PIBF1: variants seen among roughly 807,000 people sequenced by gnomAD.
The protein encoded by PIBF1 is progesterone immunomodulatory binding factor 1.
A neutral mutation model predicts 112.5 loss-of-function variants in PIBF1; 90 were observed. The ratio of observed to expected loss-of-function variants is 0.80; its 90% CI spans 0.67 to 0.95. PIBF1 has a LOEUF of 0.95. Ranked by LOEUF, PIBF1 falls within the 40% of genes least tolerant of loss-of-function variation. The pLI is 0.00. For synonymous variants in PIBF1, 301 were observed against 288.6 expected (o/e 1.04, Z -0.44); for missense variants, 915 against 852.3 (o/e 1.07, Z -0.92).
chr13:72,784,762 A>AAAT (rs944923595), intron 2 of PIBF1, among the ~76,000 whole-genome samples: 3 of 152,154 alleles, frequency 2.0e-5, no homozygotes, highest in South Asian at 2.1e-4. Context: ...TATCTCAAAA[A>AAAT]AATAATAATA....
intron 6 of PIBF1, among the ~76,000 whole-genome samples, chr13:72,826,022 A>G (rs2036794158): frequency 6.6e-6 from 1 of 151,464 alleles, no homozygotes; most frequent in African/African-American, 2.4e-5. Flanking sequence ...TGGGTGACAT[A>G]GCAAGACCCC....
intron 10 of PIBF1, among the ~76,000 whole-genome samples, chr13:72,875,058 T>C: frequency 6.6e-6 from 1 of 152,242 alleles, no homozygotes. Flanking sequence ...ATCTGTAATG[T>C]ATATATCTAT....
chr13:72,798,820 A>G (rs1246066993), intron 5 of PIBF1, among the ~76,000 whole-genome samples: 1 of 152,216 alleles, frequency 6.6e-6, no homozygotes, highest in Non-Finnish European at 1.5e-5. Context: ...TAGTTTACAA[A>G]TGGGGGCTGC....
chr13:72,919,824 C>T (rs2041228559), intron 13 of PIBF1, among the ~76,000 whole-genome samples: 1 of 152,070 alleles, frequency 6.6e-6, no homozygotes, highest in Admixed American at 6.6e-5. Flanking sequence ...AAAAACTTAG[C>T]TGGGCATGGG....
intron 2 of PIBF1, among the ~76,000 whole-genome samples, chr13:72,784,207 A>C (rs1343135276): frequency 6.6e-6 from 1 of 150,470 alleles, no homozygotes; most frequent in East Asian, 1.9e-4. Flanking sequence ...TTTATCTGTC[A>C]GTTGGGATCA....
chr13:72,895,338 A>G (rs1449353701), intron 11 of PIBF1, among the ~76,000 whole-genome samples: 2 of 149,576 alleles, frequency 1.3e-5, no homozygotes, highest in East Asian at 3.9e-4. Flanking sequence ...AATAATATAT[A>G]TAATATTAAA....
chr13:72,886,862 A>G (rs2039879178), intron 10 of PIBF1, among the ~76,000 whole-genome samples: 1 of 152,094 alleles, frequency 6.6e-6, no homozygotes, highest in Non-Finnish European at 1.5e-5. Flanking sequence ...TAAATGGCAG[A>G]AACGTTTGGA....
chr13:72,903,461 G>T (rs2040577224), intron 11 of PIBF1, among the ~76,000 whole-genome samples: 1 of 152,140 alleles, frequency 6.6e-6, no homozygotes, highest in Non-Finnish European at 1.5e-5. Flanking sequence ...ATTTTGAACA[G>T]GGCTTTGAAT....
In PIBF1 at chr13:72,837,161, A is replaced by AATACGTGTGCATGCCAGAAGAAATT. The variant is rs1223407782; in HGVS notation, c.1223+1800_1223+1824dup. Among the ~76,000 whole-genome samples, 8 of 152,152 alleles carry AATACGTGTGCATGCCAGAAGAAATT rather than the reference A, an allele frequency of 5.3e-5. No homozygotes were observed. In the East Asian group the frequency reaches 1.3e-3, roughly 26 times the overall value. ...TAAAAATATGCTTTAGGCACCAGCA[A>AATACGTGTGCATGCCAGAAGAAATT]ATACGTGTGCATGCCAGAAGAAATT... On this transcript the variant is annotated intron_variant, in intron 9 of 17. Transcript: ENST00000326291.
chr13:72,837,533 A>G (rs2037415087), intron 9 of PIBF1, among the ~76,000 whole-genome samples: 1 of 152,126 alleles, frequency 6.6e-6, no homozygotes. Context: ...AACAGATGTT[A>G]AGAGAAAATT....
At chr13:73,015,844 ATT>A in intron 17 of PIBF1, 23 bp from the exon 18 acceptor site, 1 of 1,453,532 alleles carries the variant, frequency 6.9e-7, no homozygotes, top group Non-Finnish European at 9.4e-7. Flanking sequence ...ATTTTATTGG[ATT>A]TTCTTTTTCT....
At chr13:72,954,170 T>C (rs945219987) in intron 14 of PIBF1, among the ~76,000 whole-genome samples, 1 of 152,162 alleles carries the variant, frequency 6.6e-6, no homozygotes, top group African/African-American at 2.4e-5. Flanking sequence ...TCAGCTCCCA[T>C]GCACTTGGCA....
intron 16 of PIBF1, among the ~76,000 whole-genome samples, chr13:72,998,392 T>C (rs947433291): frequency 6.6e-6 from 1 of 152,034 alleles, no homozygotes; most frequent in African/African-American, 2.4e-5. Flanking sequence ...GGAGGATGGC[T>C]TGAGCCCAGG....
At chr13:72,924,814 T>C (rs2041425410) in intron 13 of PIBF1, among the ~76,000 whole-genome samples, 1 of 152,204 alleles carries the variant, frequency 6.6e-6, no homozygotes, top group Non-Finnish European at 1.5e-5. Context: ...GAGTTGCATC[T>C]GTTTAGGGAG....
At chr13:72,871,216 A>C (rs2039149176) in intron 10 of PIBF1, among the ~76,000 whole-genome samples, 1 of 152,066 alleles carries the variant, frequency 6.6e-6, no homozygotes, top group Non-Finnish European at 1.5e-5. Context: ...ACAAAGAAAA[A>C]AATTTTTAAT....
chr13:72,838,911 A>G (rs950952497), intron 9 of PIBF1, among the ~76,000 whole-genome samples: 7 of 152,232 alleles, frequency 4.6e-5, no homozygotes, highest in African/African-American at 1.7e-4. Flanking sequence ...GACAAAATGA[A>G]GCTTTTTGAA....
rs2042705591 is a variant in PIBF1 at position 72,965,107 on chromosome 13, A to ATAGC, written c.1834-164_1834-161dup. On this transcript the variant is annotated intron_variant, in intron 14 of 17. Transcript: ENST00000326291. ...TTATTGTTTATAGTTGCTATTAAGA[A>ATAGC]TAGCTATATTGATTCACTCTTAAAA... is the stretch of plus-strand genomic sequence containing the variant. Among the ~76,000 whole-genome samples, 6 of 152,346 alleles carry ATAGC rather than the reference A, an allele frequency of 3.9e-5. No individual in the cohort carries two copies. The South Asian group carries it at 1.0e-3, about 26-fold the overall frequency.
chr13:72,800,185 G>A (rs939965493), intron 5 of PIBF1, among the ~76,000 whole-genome samples: 6 of 152,058 alleles, frequency 3.9e-5, no homozygotes, highest in Non-Finnish European at 7.4e-5. Flanking sequence ...ACAGGCATGC[G>A]CTACCACACC....
intron 15 of PIBF1, among the ~76,000 whole-genome samples, chr13:72,971,262 A>G (rs953229751): frequency 1.3e-5 from 2 of 151,852 alleles, no homozygotes; most frequent in Admixed American, 1.3e-4. Context: ...TACCGTGGTT[A>G]TAAGTGTATA....
Sources: allele counts gnomAD v4.1 joint callset (sites outside exome capture counted in the v4.1 genomes callset), GRCh38; gene constraint gnomAD v4.1.1; transcripts MANE v1.5; gene names NCBI Gene and HGNC (gene_info 2026-07-23, HGNC 2026-07-21).